SRPK2: variants seen among roughly 807,000 people sequenced by gnomAD.
The protein encoded by SRPK2 is SRSF protein kinase 2.
A neutral mutation model predicts 90.8 loss-of-function variants in SRPK2; 21 were observed. That is an observed-to-expected ratio of 0.23 (90% CI 0.16 to 0.33). The LOEUF (loss-of-function observed/expected upper bound fraction) is 0.33. Ranked by LOEUF, SRPK2 falls within the 10% of genes least tolerant of loss-of-function variation. SRPK2 has a pLI of 1.00. For synonymous variants in SRPK2, 288 were observed against 311.1 expected (o/e 0.93, Z 0.78); for missense variants, 620 against 869.0 (o/e 0.71, Z 3.60).
chr7:105,285,775 G>C (rs538828616), intron 2 of SRPK2, among the ~76,000 whole-genome samples: 30 of 152,250 alleles, frequency 2.0e-4, no homozygotes, highest in Admixed American at 1.1e-3. Context: ...TGATTGTAAG[G>C]TTCCTGTGGC....
chr7:105,224,766 A>G (rs1034625947), intron 2 of SRPK2, among the ~76,000 whole-genome samples: 20 of 152,200 alleles, frequency 1.3e-4, no homozygotes, highest in African/African-American at 4.6e-4. Context: ...TGTCAGTTAA[A>G]ATACATCATG....
intron 2 of SRPK2, among the ~76,000 whole-genome samples, chr7:105,233,484 A>AGAATTAGAGATCAGTG (rs1799764703): frequency 6.6e-6 from 1 of 152,236 alleles, no homozygotes; most frequent in African/African-American, 2.4e-5. Context: ...TGCATATGAG[A>AGAATTAGAGATCAGTG]GAATTAGAGA....
intron 3 of SRPK2, among the ~76,000 whole-genome samples, chr7:105,199,434 C>T (rs578213797): frequency 6.6e-6 from 1 of 152,210 alleles, no homozygotes; most frequent in South Asian, 2.1e-4. Flanking sequence ...ACATAACACA[C>T]ACTACCAGCC....
intron 2 of SRPK2, among the ~76,000 whole-genome samples, chr7:105,249,838 T>C (rs1802237199): frequency 6.6e-6 from 1 of 152,178 alleles, no homozygotes; most frequent in South Asian, 2.1e-4. Context: ...TTCCAAAACC[T>C]CAACTATACT....
chr7:105,253,950 G>C (rs1802853328), intron 2 of SRPK2, among the ~76,000 whole-genome samples: 1 of 151,896 alleles, frequency 6.6e-6, no homozygotes, highest in Non-Finnish European at 1.5e-5. Flanking sequence ...TGAATGTTTT[G>C]TCACCTGTTT....
At chr7:105,303,033 C>T (rs969161204) in intron 2 of SRPK2, among the ~76,000 whole-genome samples, 26 of 151,840 alleles carry the variant, frequency 1.7e-4, no homozygotes, top group South Asian at 4.2e-4. Flanking sequence ...TAGTTTGCGC[C>T]GCTGCACTCC....
chr7:105,180,133 A>G (rs900719293), intron 3 of SRPK2, among the ~76,000 whole-genome samples: 3 of 152,240 alleles, frequency 2.0e-5, no homozygotes, highest in African/African-American at 7.2e-5. Flanking sequence ...TCCTAAGCAA[A>G]AAGAACAAAG....
chr7:105,313,868 A>G (rs1812012686), intron 2 of SRPK2, among the ~76,000 whole-genome samples: 1 of 152,232 alleles, frequency 6.6e-6, no homozygotes, highest in Non-Finnish European at 1.5e-5. Context: ...ACATTCAAAT[A>G]GAAAAACAAG....
intron 3 of SRPK2, 64 bp downstream of exon 3, chr7:105,203,564 C>T: frequency 7.2e-7 from 1 of 1,390,210 alleles, no homozygotes; most frequent in Non-Finnish European, 9.4e-7. Context: ...TCCATTCCCC[C>T]AACAAATTAC....
At chr7:105,295,197 C>T (rs1007341000) in intron 2 of SRPK2, among the ~76,000 whole-genome samples, 1 of 120,590 alleles carries the variant, frequency 8.3e-6, no homozygotes, top group African/African-American at 2.8e-5. Flanking sequence ...GGTGACAGAG[C>T]GAGAACCCGT....
At chr7:105,225,631 C>G (rs1254457743) in intron 2 of SRPK2, among the ~76,000 whole-genome samples, 1 of 152,138 alleles carries the variant, frequency 6.6e-6, no homozygotes, top group Non-Finnish European at 1.5e-5. Context: ...ATTGCAATTA[C>G]AGACACAGAG....
intron 2 of SRPK2, among the ~76,000 whole-genome samples, chr7:105,252,724 C>A (rs1802639290): frequency 6.8e-6 from 1 of 148,082 alleles, no homozygotes; most frequent in Non-Finnish European, 1.5e-5. Flanking sequence ...TTCCAATTAT[C>A]ATCTTTCTTT....
chr7:105,292,480 C>T (rs1338646618), intron 2 of SRPK2, among the ~76,000 whole-genome samples: 2 of 107,260 alleles, frequency 1.9e-5, no homozygotes. Context: ...CCAGCCTGGG[C>T]GATAGAGTAA....
At chr7:105,294,602 T>C (rs1265650772) in intron 2 of SRPK2, among the ~76,000 whole-genome samples, 4 of 152,100 alleles carry the variant, frequency 2.6e-5, no homozygotes, top group South Asian at 2.1e-4. Context: ...TCTCAGCTCA[T>C]TGCAACCTCC....
chr7:105,261,287 C>T (rs1045487008), intron 2 of SRPK2, among the ~76,000 whole-genome samples: 7 of 151,986 alleles, frequency 4.6e-5, no homozygotes, highest in African/African-American at 1.5e-4. Flanking sequence ...TTTGGGAGGC[C>T]GAGGCGGGTG....
chr7:105,385,133 A>C (rs1586007987), intron 2 of SRPK2, among the ~76,000 whole-genome samples: 1 of 139,270 alleles, frequency 7.2e-6, no homozygotes, highest in Non-Finnish European at 1.5e-5. Context: ...CGGCCTCCCA[A>C]AGTGCTGGGA....
At position 105,388,653 on chromosome 7, in the gene SRPK2, C is replaced by T. The variant is rs1270208415; in HGVS notation, c.66G>A (p.Pro22=). Residue 22 remains proline (P), a synonymous_variant, in exon 2 of 16, where the codon CCG becomes CCA. Transcript: ENST00000393651. Reference sequence around the variant, plus strand: ...CAGGCGCAGCGTGGACTCACTTTTTCGGATGTTTCTCTCTTTTCGGCCTCC... The same window carrying T: ...CAGGCGCAGCGTGGACTCACTTTTTTGGATGTTTCTCTCTTTTCGGCCTCC... ...RKRRPKREKH[P]KKPEPQQKAP... The T allele has an allele frequency of 1.9e-6, 3 of 1,588,286 alleles. No homozygotes were observed. Among genetic ancestry groups the T allele is most frequent in the African/African-American group, 1.4e-5 (1 of 72,440 alleles).
intron 2 of SRPK2, among the ~76,000 whole-genome samples, chr7:105,376,156 A>C (rs1820270839): frequency 6.6e-6 from 1 of 151,094 alleles, no homozygotes; most frequent in African/African-American, 2.4e-5. Context: ...CACCACACCC[A>C]GCAAATTTTT....
chr7:105,257,195 G>T (rs919012968), intron 2 of SRPK2, among the ~76,000 whole-genome samples: 2 of 152,078 alleles, frequency 1.3e-5, no homozygotes, highest in Admixed American at 1.3e-4. Context: ...AAAAATGCTG[G>T]GTGGATGGAT....
Sources: allele counts gnomAD v4.1 joint callset (sites outside exome capture counted in the v4.1 genomes callset), GRCh38; gene constraint gnomAD v4.1.1; transcripts MANE v1.5; gene names NCBI Gene and HGNC (gene_info 2026-07-23, HGNC 2026-07-21).